The following CRB1 variants were observed in gnomAD, a reference collection of about 807,000 sequenced individuals.
CRB1 encodes the protein crumbs cell polarity complex component 1.
CRB1 carries 83 observed loss-of-function variants against 120.0 expected under a neutral mutation model. That is an observed-to-expected ratio of 0.69 (90% confidence interval 0.58 to 0.83). The LOEUF (loss-of-function observed/expected upper bound fraction) is 0.83, where lower values mean the gene tolerates loss of function less well. CRB1 is among the 40% of genes least tolerant of loss of function. CRB1 has a pLI of 0.00. For synonymous variants in CRB1, 625 were observed against 612.5 expected, an observed-to-expected ratio of 1.02 and a Z score of -0.30; for missense variants, 1,699 against 1,687.6, an observed-to-expected ratio of 1.01 and a Z score of -0.12.
rs1656402979 is a variant in CRB1 at position 197,294,596 on chromosome 1, C to T, written c.70+26114C>T. Among the ~76,000 whole-genome samples, 4 of 152,214 alleles carry T rather than the reference C, an allele frequency of 2.6e-5. No homozygotes were observed. In the South Asian group the frequency reaches 8.3e-4, roughly 32 times the overall value. ...ATTATAAATCATGCTGCTATAAAGA[C>T]ACATGCACACATACGTTTATTGCGG... is the stretch of plus-strand genomic sequence containing the variant. On this transcript the variant is annotated intron_variant, in intron 1 of 11. Coordinates refer to ENST00000367400, the MANE Select transcript of CRB1 (RefSeq NM_201253.3).
chr1:197,291,862 A>C (rs1450692932), intron 1 of CRB1, among the ~76,000 whole-genome samples: 5 of 151,956 alleles, frequency 3.3e-5, no homozygotes, highest in Admixed American at 6.6e-5. Flanking sequence ...ATTTAAGTTA[A>C]GATCTAAGTT....
chr1:197,411,403 A>T (rs1402874217), intron 5 of CRB1, among the ~76,000 whole-genome samples: 1 of 152,234 alleles, frequency 6.6e-6, no homozygotes, highest in African/African-American at 2.4e-5. Context: ...AGTGTTAATA[A>T]TAATTATTAG....
intron 5 of CRB1, among the ~76,000 whole-genome samples, chr1:197,394,147 C>G (rs544717402): frequency 6.6e-6 from 1 of 152,132 alleles, no homozygotes; most frequent in African/African-American, 2.4e-5. Context: ...CTGGAGACAA[C>G]AAGACCAACC....
intron 5 of CRB1, among the ~76,000 whole-genome samples, chr1:197,405,893 C>G (rs912913690): frequency 6.6e-6 from 1 of 151,916 alleles, no homozygotes; most frequent in African/African-American, 2.4e-5. Flanking sequence ...GCCACCCCGT[C>G]TGGGAAGGAG....
intron 11 of CRB1, chr1:197,443,262 T>TC (rs1283223893): frequency 6.6e-6 from 1 of 152,140 alleles, no homozygotes; most frequent in Non-Finnish European, 1.5e-5. Flanking sequence ...ATCAGGAATT[T>TC]ACATCGAGTC....
At chr1:197,387,054 C>T (rs941378598) in intron 5 of CRB1, among the ~76,000 whole-genome samples, 1 of 152,092 alleles carries the variant, frequency 6.6e-6, no homozygotes. Context: ...GTTGACATCA[C>T]TCCATTGGTC....
intron 2 of CRB1, among the ~76,000 whole-genome samples, chr1:197,332,271 G>T (rs1364762716): frequency 6.6e-6 from 1 of 152,132 alleles, no homozygotes; most frequent in Non-Finnish European, 1.5e-5. Context: ...ACTGTAGGTT[G>T]TATCACATCC....
chr1:197,346,692 A>G (rs1260756904), intron 3 of CRB1, among the ~76,000 whole-genome samples: 1 of 152,220 alleles, frequency 6.6e-6, no homozygotes, highest in African/African-American at 2.4e-5. Flanking sequence ...CCTCTTAATA[A>G]AATCAACAAC....
intron 1 of CRB1, among the ~76,000 whole-genome samples, chr1:197,269,368 T>C (rs773396050): frequency 5.9e-5 from 9 of 152,230 alleles, no homozygotes; most frequent in South Asian, 4.1e-4. Flanking sequence ...TTGTTACTTG[T>C]ACGGTTTACA....
chr1:197,261,666 A>T, the CRB1 span, among the ~76,000 whole-genome samples: 10 of 152,148 alleles, frequency 6.6e-5, no homozygotes, highest in African/African-American at 2.4e-4. Flanking sequence ...GGAGTGTGGG[A>T]TTGTTGTTCA....
intron 1 of CRB1, among the ~76,000 whole-genome samples, chr1:197,321,850 T>G (rs2125291789): frequency 6.6e-6 from 1 of 152,324 alleles, no homozygotes; most frequent in South Asian, 2.1e-4. Context: ...TGCATTGGAC[T>G]TCTAACAATT....
intron 1 of CRB1, among the ~76,000 whole-genome samples, chr1:197,286,048 T>A (rs1370043476): frequency 6.6e-6 from 1 of 151,880 alleles, no homozygotes; most frequent in African/African-American, 2.4e-5. Context: ...CTGTACTCAT[T>A]GTAGCTCAGT....
At position 197,328,796 on chromosome 1, in the gene CRB1, C is replaced by G; in HGVS notation, c.445C>G (p.His149Asp). Reference protein sequence around the residue: ...GYAGRFCEIDHDECASSPCQN... With the variant: ...GYAGRFCEIDDDECASSPCQN... ...TGCTGGAAGATTCTGTGAGATAGAT[C>G]ACGATGAGTGTGCTTCCAGCCCTTG... Residue 149 changes from histidine to aspartate, a missense_variant, in exon 2 of 12, where the codon CAC becomes GAC. By Grantham distance (81) the His-to-Asp change is moderately conservative. Coordinates refer to ENST00000367400, the MANE Select transcript of CRB1 (RefSeq NM_201253.3). 1 of 1,613,776 alleles carries G rather than the reference C, an allele frequency of 6.2e-7. No homozygotes were observed. Among genetic ancestry groups the G allele is most frequent in the South Asian group, 1.1e-5 (1 of 91,018 alleles).
intron 5 of CRB1, among the ~76,000 whole-genome samples, chr1:197,419,899 C>T (rs546922128): frequency 1.2e-3 from 185 of 150,062 alleles, no homozygotes; most frequent in African/African-American, 4.1e-3. Context: ...GGTGTAAACC[C>T]GGGAGGCAGA....
At chr1:197,457,700 C>T (rs983797810) in intron 11 of CRB1, among the ~76,000 whole-genome samples, 15 of 152,094 alleles carry the variant, frequency 9.9e-5, no homozygotes, top group Admixed American at 2.6e-4. Flanking sequence ...GAAAAAGCTT[C>T]GTGCAGAAGA....
intron 11 of CRB1, among the ~76,000 whole-genome samples, chr1:197,467,799 T>C (rs2125558069): frequency 6.6e-6 from 1 of 152,310 alleles, no homozygotes; most frequent in Non-Finnish European, 1.5e-5. Context: ...AAAAGGGAAC[T>C]CAAATAATGA....
intron 1 of CRB1, among the ~76,000 whole-genome samples, chr1:197,320,092 A>T (rs976624080): frequency 9.9e-5 from 15 of 152,250 alleles, no homozygotes; most frequent in African/African-American, 3.6e-4. Flanking sequence ...CACTTCAGGA[A>T]ATAATTGATA....
intron 1 of CRB1, among the ~76,000 whole-genome samples, chr1:197,270,101 A>C (rs1654827594): frequency 6.6e-6 from 1 of 152,158 alleles, no homozygotes; most frequent in Non-Finnish European, 1.5e-5. Context: ...ACCTGACTTT[A>C]AAACAATCTA....
At chr1:197,456,458 A>G (rs1436617914) in intron 11 of CRB1, among the ~76,000 whole-genome samples, 1 of 152,070 alleles carries the variant, frequency 6.6e-6, no homozygotes, top group Non-Finnish European at 1.5e-5. Context: ...GATGAAAATG[A>G]TAGTATATAG....
Sources: gnomAD v4.1 joint callset for allele counts (sites outside exome capture counted in the v4.1 genomes callset) on GRCh38, gnomAD v4.1.1 for gene constraint, MANE v1.5 for transcripts, NCBI Gene and HGNC (gene_info 2026-07-23, HGNC 2026-07-21) for gene names.